FARS2: variants seen among roughly 807,000 people sequenced by gnomAD.
FARS2 encodes phenylalanine--tRNA ligase, mitochondrial.
A neutral mutation model predicts 46.4 loss-of-function variants in FARS2; 40 were observed. The observed-to-expected ratio is 0.86, with a 90% CI of 0.67 to 1.12. The LOEUF is 1.12. FARS2 is among the 50% of genes most tolerant of loss of function. The probability of loss-of-function intolerance (pLI) is 0.00; values close to 1 mark genes in which losing one functional copy is unlikely to be tolerated. For synonymous variants in FARS2, 234 were observed against 214.9 expected, an observed-to-expected ratio of 1.09 and a Z score of -0.78; for missense variants, 513 against 567.9, an observed-to-expected ratio of 0.90 and a Z score of 0.98.
intron 1 of FARS2, among the ~76,000 whole-genome samples, chr6:5,341,213 ATATATATATATATATATATATATT>A (rs1302272120): frequency 0.19 from 3,014 of 15,898 alleles, 383 homozygotes; most frequent in East Asian, 0.46. Context: ...ATATATATAT[ATATATATATATATATATATATATT>A]TTTTTTTTTT....
intron 1 of FARS2, among the ~76,000 whole-genome samples, chr6:5,304,343 T>C (rs1476854970): frequency 6.6e-6 from 1 of 152,190 alleles, no homozygotes; most frequent in African/African-American, 2.4e-5. Context: ...TTAACTCTGT[T>C]GTTGACATGT....
intron 1 of FARS2, among the ~76,000 whole-genome samples, chr6:5,269,492 A>G (rs1765796423): frequency 6.6e-6 from 1 of 152,098 alleles, no homozygotes; most frequent in African/African-American, 2.4e-5. Context: ...AAAAAAAAAA[A>G]AAGAGAAAAG....
At chr6:5,591,043 A>G (rs982960031) in intron 5 of FARS2, among the ~76,000 whole-genome samples, 26 of 152,226 alleles carry the variant, frequency 1.7e-4, no homozygotes, top group Admixed American at 3.3e-4. Flanking sequence ...CAAAGAAAAT[A>G]AGTATAAGTG....
At chr6:5,281,503 G>A (rs1211376593) in intron 1 of FARS2, among the ~76,000 whole-genome samples, 1 of 152,062 alleles carries the variant, frequency 6.6e-6, no homozygotes, top group Admixed American at 6.6e-5. Context: ...ATTTTTAAGT[G>A]TGCAGTTCAG....
intron 4 of FARS2, among the ~76,000 whole-genome samples, chr6:5,524,077 TTTTTAGCC>T (rs1337269733): frequency 6.6e-6 from 1 of 150,940 alleles, no homozygotes; most frequent in African/African-American, 2.5e-5. Flanking sequence ...GCCTCTATTC[TTTTTAGCC>T]TTTGGAACCT....
At chr6:5,755,572 AT>A (rs1389337979) in intron 6 of FARS2, among the ~76,000 whole-genome samples, 2 of 152,076 alleles carry the variant, frequency 1.3e-5, no homozygotes, top group Non-Finnish European at 2.9e-5. Context: ...AACATTCTTA[AT>A]TGTTTAAATT....
Position 5,343,099 on chromosome 6 carries a change from C to A in FARS2, c.-21-25451C>A, listed in dbSNP as rs1331046364. ...ATCTGTATGAAATGACCATTGATAT[C>A]TCCTTACAGTTAATAATGGTAGTAA... On this transcript the variant is annotated intron_variant, in intron 1 of 6. Coordinates refer to ENST00000274680, the MANE Select transcript of FARS2 (RefSeq NM_006567.5). The surrounding 1 kb of genome is among the most constrained non-coding windows in gnomAD (Gnocchi z 4.5). 2.0e-5 allele frequency among the ~76,000 whole-genome samples: 3 copies of A among 152,190 alleles called. No homozygotes were observed. The highest frequency in any genetic ancestry group is 4.4e-5 in the Non-Finnish European group (3 of 68,038).
At chr6:5,535,089 G>A (rs1003789777) in intron 4 of FARS2, among the ~76,000 whole-genome samples, 5 of 152,076 alleles carry the variant, frequency 3.3e-5, no homozygotes, top group African/African-American at 4.8e-5. Flanking sequence ...TCTCATTGTG[G>A]TTTGTATTTA....
At position 5,329,468 on chromosome 6, in the gene FARS2, A is replaced by AG. The variant is rs533069435; in HGVS notation, c.-21-39082_-21-39081insG. On this transcript the variant is annotated intron_variant, in intron 1 of 6. Transcript: ENST00000274680. ...GTGACAACAAATGTATGAGTTTTTA[A>AG]ATTTTTTTTATGTCAACCAATCATC... Among the ~76,000 whole-genome samples the AG allele has an allele frequency of 4.2e-5, 6 of 143,624 alleles. No homozygotes were observed. In the South Asian group the frequency reaches 9.7e-4, roughly 23 times the overall value. 94.2% of individuals were successfully genotyped at this position (143,624 alleles called of 152,430 possible).
Position 5,648,905 on chromosome 6 carries a change from G to A in FARS2, c.1217+35585G>A, listed in dbSNP as rs950617888. 7.2e-5 allele frequency among the ~76,000 whole-genome samples: 11 copies of A among 152,176 alleles called. 1 individual carries two copies. The highest frequency in any genetic ancestry group is 7.2e-4 in the Admixed American group (11 of 15,280). On this transcript the variant is annotated intron_variant, in intron 6 of 6. Coordinates refer to ENST00000274680, the MANE Select transcript of FARS2 (RefSeq NM_006567.5). ...ATCCCCAGGGCCCAGACAATGCCTG[G>A]CACTTAGTAGGCGCTCAGTAAATAG... is the stretch of plus-strand genomic sequence containing the variant.
chr6:5,289,136 C>T (rs973903238), intron 1 of FARS2, among the ~76,000 whole-genome samples: 9 of 152,138 alleles, frequency 5.9e-5, no homozygotes, highest in African/African-American at 2.2e-4. Context: ...ATTTTGATGA[C>T]ACACTTAACA....
chr6:5,392,270 G>C (rs1041034010), intron 2 of FARS2, among the ~76,000 whole-genome samples: 2 of 152,134 alleles, frequency 1.3e-5, no homozygotes, highest in Non-Finnish European at 2.9e-5. Flanking sequence ...ATTTCCATTA[G>C]AAATAATCTC....
intron 6 of FARS2, among the ~76,000 whole-genome samples, chr6:5,679,618 T>C (rs1453419759): frequency 6.6e-6 from 1 of 152,180 alleles, no homozygotes; most frequent in African/African-American, 2.4e-5. Context: ...AAAGAAATAA[T>C]GGAGAGGAAA....
intron 5 of FARS2, among the ~76,000 whole-genome samples, chr6:5,601,275 A>G (rs1774495324): frequency 6.6e-6 from 1 of 151,946 alleles, no homozygotes; most frequent in South Asian, 2.1e-4. Flanking sequence ...TAATCCCAGC[A>G]CTTTGGGAGG....
chr6:5,259,908 G>GA (rs1337825575), upstream of FARS2, among the ~76,000 whole-genome samples: 3 of 152,150 alleles, frequency 2.0e-5, no homozygotes, highest in African/African-American at 4.8e-5. Context: ...CTCTGAATTA[G>GA]AAAAAACATA....
At chr6:5,667,805 C>T (rs936240822) in intron 6 of FARS2, among the ~76,000 whole-genome samples, 6 of 152,218 alleles carry the variant, frequency 3.9e-5, no homozygotes, top group African/African-American at 1.4e-4. Context: ...ACATTTCTTT[C>T]TGGCTGCATT....
chr6:5,638,515 A>G (rs190793566), intron 6 of FARS2, among the ~76,000 whole-genome samples: 11 of 152,360 alleles, frequency 7.2e-5, no homozygotes, highest in African/African-American at 2.4e-4. Context: ...CAGTGAGCCA[A>G]GATCGTGCCA....
intron 6 of FARS2, among the ~76,000 whole-genome samples, chr6:5,702,368 T>A (rs1220756529): frequency 6.6e-6 from 1 of 152,266 alleles, no homozygotes; most frequent in Non-Finnish European, 1.5e-5. Flanking sequence ...TTTTCTTCAG[T>A]GTTTAAAAAA....
At chr6:5,641,339 G>A (rs998692672) in intron 6 of FARS2, among the ~76,000 whole-genome samples, 6 of 151,354 alleles carry the variant, frequency 4.0e-5, no homozygotes, top group Admixed American at 1.3e-4. Context: ...CTCTTTCACC[G>A]AGGCTGGAGT....
Sources: allele counts gnomAD v4.1 joint callset (sites outside exome capture counted in the v4.1 genomes callset), GRCh38; gene constraint gnomAD v4.1.1; non-coding constraint Gnocchi (gnomAD v3.1); transcripts MANE v1.5; gene names NCBI Gene and HGNC (gene_info 2026-07-23, HGNC 2026-07-21).